The following AQP9 variants were observed in gnomAD, a reference collection of about 807,000 sequenced individuals.
AQP9 encodes aquaporin 9, also known as aquaporin-9.
AQP9 carries 19 observed loss-of-function variants against 23.8 expected under a neutral mutation model. The observed-to-expected ratio is 0.80, with a 90% CI of 0.56 to 1.17. The LOEUF (loss-of-function observed/expected upper bound fraction) is 1.17. Among genes scored for constraint, AQP9 ranks in the 50% most tolerant of loss-of-function variants. The pLI is 0.00. For synonymous variants in AQP9, 153 were observed against 131.5 expected (o/e 1.16, Z -1.12); for missense variants, 413 against 362.0 (o/e 1.14, Z -1.14).
intron 1 of AQP9, chr15:58,146,667 T>G (rs1387585151): frequency 6.6e-6 from 1 of 152,204 alleles, no homozygotes; most frequent in Non-Finnish European, 1.5e-5. Flanking sequence ...TCAGGGAGAT[T>G]TATTTTTCCC....
At chr15:58,158,189 A>G (rs1274254873) in intron 1 of AQP9, among the ~76,000 whole-genome samples, 1 of 152,138 alleles carries the variant, frequency 6.6e-6, no homozygotes, top group Admixed American at 6.5e-5. Context: ...GCAGATAGAA[A>G]AACCGATGCC....
intron 2 of AQP9, among the ~76,000 whole-genome samples, chr15:58,167,657 G>A (rs1392140489): frequency 6.6e-6 from 1 of 152,174 alleles, no homozygotes. Flanking sequence ...GCTGAGATTT[G>A]ATCCAGGCTC....
chr15:58,172,642 G>A (rs146411375), intron 2 of AQP9, among the ~76,000 whole-genome samples: 146 of 152,214 alleles, frequency 9.6e-4, no homozygotes, highest in African/African-American at 2.9e-3. Flanking sequence ...GGGCATGGCC[G>A]GAGGAACTGC....
At chr15:58,176,353 AC>A (rs1898753550) in intron 4 of AQP9, among the ~76,000 whole-genome samples, 1 of 152,076 alleles carries the variant, frequency 6.6e-6, no homozygotes, top group South Asian at 2.1e-4. Context: ...CCCTGCCTCT[AC>A]CAAAAATACA....
intron 1 of AQP9, among the ~76,000 whole-genome samples, chr15:58,143,256 G>T (rs1280682191): frequency 6.6e-6 from 1 of 152,162 alleles, no homozygotes; most frequent in East Asian, 1.9e-4. Flanking sequence ...GCTAAACACT[G>T]GGGATTCTCC....
chr15:58,144,567 G>A lies in AQP9; in HGVS notation c.111+5891G>A, dbSNP rs193030412. Among the ~76,000 whole-genome samples the A allele has an allele frequency of 6.2e-4, 94 of 152,040 alleles. No individual in the cohort carries two copies. The Middle Eastern group carries it at 0.02, about 33-fold the overall frequency. On this transcript the variant is annotated intron_variant, in intron 1 of 5. Coordinates refer to ENST00000219919, the MANE Select transcript of AQP9 (RefSeq NM_020980.5). ...TTGTCTTTCTACTTTTATTACCAAG[G>A]TTATATTAGACTCATGAAATGAATC...
intron 1 of AQP9, among the ~76,000 whole-genome samples, chr15:58,145,051 C>G (rs1209639839): frequency 1.3e-5 from 2 of 149,942 alleles, no homozygotes; most frequent in Non-Finnish European, 3.0e-5. Context: ...GAAAAAAACT[C>G]TACTATACCT....
intron 3 of AQP9, 82 bp downstream of exon 3, chr15:58,173,287 G>T: frequency 6.4e-7 from 1 of 1,562,668 alleles, no homozygotes; most frequent in South Asian, 1.1e-5. Flanking sequence ...GCACAGGCGA[G>T]AAAAAGCAAG....
intron 1 of AQP9, among the ~76,000 whole-genome samples, chr15:58,159,699 T>C (rs1898334904): frequency 6.6e-6 from 1 of 152,186 alleles, no homozygotes; most frequent in Non-Finnish European, 1.5e-5. Context: ...ACCCATCTAC[T>C]CTCTGCCTTC....
upstream of AQP9, chr15:58,138,184 C>G (rs1240072291): frequency 6.3e-6 from 1 of 157,828 alleles, no homozygotes; most frequent in Non-Finnish European, 1.4e-5. Context: ...CTTTTCTGGA[C>G]CAGGGCCCGT....
intron 1 of AQP9, among the ~76,000 whole-genome samples, chr15:58,139,591 A>T (rs1388934403): frequency 1.3e-5 from 2 of 152,218 alleles, no homozygotes; most frequent in Non-Finnish European, 2.9e-5. Context: ...TTTTCCTTAA[A>T]GTTATAGAGA....
chr15:58,183,965 G>A lies in AQP9; in HGVS notation c.718G>A (p.Gly240Arg). 1 of 1,613,924 alleles carries A rather than the reference G, an allele frequency of 6.2e-7. No individual in the cohort carries two copies. Among genetic ancestry groups the A allele is most frequent in the African/African-American group, 1.3e-5 (1 of 75,028 alleles). The change falls in exon 6 of 6, where the codon GGA (glycine) becomes AGA (arginine). Residue 240 changes from glycine (G) to arginine (R), a missense_variant. Physicochemically the swap from Gly to Arg is moderately radical, Grantham distance 125. Coordinates refer to ENST00000219919, the MANE Select transcript of AQP9 (RefSeq NM_020980.5). Reference protein sequence around the residue: ...AGWGFEVFRAGNNFWWIPVVG... With the variant: ...AGWGFEVFRARNNFWWIPVVG... ...TAATTTCTTGTTTGATTTCAGAGCT[G>A]GAAACAACTTCTGGTGGATTCCTGT...
At chr15:58,182,473 C>G (rs1376651796) in intron 5 of AQP9, among the ~76,000 whole-genome samples, 1 of 152,150 alleles carries the variant, frequency 6.6e-6, no homozygotes, top group Non-Finnish European at 1.5e-5. Flanking sequence ...AGGACGTGTA[C>G]CCTGGCTGAT....
At chr15:58,166,538 T>C (rs1898508528) in intron 1 of AQP9, 135 bp from the exon 2 acceptor site, 5 of 1,193,648 alleles carry the variant, frequency 4.2e-6, no homozygotes, top group Non-Finnish European at 4.6e-6. Context: ...AGCTGAATCA[T>C]TATAATTTGA....
At chr15:58,174,888 A>G (rs2140627938) in intron 3 of AQP9, 30 bp from the exon 4 acceptor site, 1 of 1,587,038 alleles carries the variant, frequency 6.3e-7, no homozygotes, top group Middle Eastern at 1.7e-4. Context: ...CCCAGGGAAC[A>G]CTAATGTGCC....
chr15:58,166,737 C>A lies in AQP9; in HGVS notation c.176C>A (p.Thr59Asn). 2 of 1,614,028 alleles carry A rather than the reference C, an allele frequency of 1.2e-6. No homozygotes were observed. Among genetic ancestry groups the A allele is most frequent in the Non-Finnish European group, 1.7e-6 (2 of 1,179,902 alleles). The change falls in exon 2 of 6, where the codon ACT (threonine) becomes AAT (asparagine). Residue 59 changes from threonine (T) to asparagine (N), a missense_variant. Physicochemically the swap from Thr to Asn is moderately conservative, Grantham distance 65. Transcript: ENST00000219919. ...CGAGGACGTTTTGGAGGGGTCATCA[C>A]TATCAATGTTGGATTTTCAATGGCA... ...LSRGRFGGVI[T>N]INVGFSMAVA...
At position 58,166,405 on chromosome 15, in the gene AQP9, CATT is replaced by C. The variant is rs200410225; in HGVS notation, c.112-267_112-265del. On this transcript the variant is annotated intron_variant, in intron 1 of 5. Coordinates refer to ENST00000219919, the MANE Select transcript of AQP9 (RefSeq NM_020980.5). ...TTTAAAGAAAATCAGATACCTAGAT[CATT>C]GTGTGAAATGTCCTGATTTATAAAT... Among the ~76,000 whole-genome samples the C allele has an allele frequency of 9.9e-3, 1,508 of 152,306 alleles. 14 individuals are homozygous for C. Among genetic ancestry groups the C allele is most frequent in the Non-Finnish European group, 0.016 (1,059 of 68,022 alleles).
chr15:58,166,785 C>T lies in AQP9; in HGVS notation c.224C>T (p.Ala75Val), dbSNP rs752063676. 25 of 1,613,732 alleles carry T rather than the reference C, an allele frequency of 1.5e-5. No individual in the cohort carries two copies. Among genetic ancestry groups the T allele is most frequent in the Non-Finnish European group, 1.7e-5 (20 of 1,179,806 alleles). ...SMAVAMAIYV[A>V]GGVSGGHINP... ...GCAGTTGCAATGGCCATTTATGTGG[C>T]TGGCGGTGTCTCTGGTAAGCAGTAG... Residue 75 changes from alanine to valine, a missense_variant, in exon 2 of 6, where the codon GCT (alanine) becomes GTT (valine). Transcript: ENST00000219919.
At chr15:58,148,817 G>T (rs956696156) in intron 1 of AQP9, among the ~76,000 whole-genome samples, 1 of 152,070 alleles carries the variant, frequency 6.6e-6, no homozygotes, top group Non-Finnish European at 1.5e-5. Flanking sequence ...GCTCTGAGTT[G>T]GTTCTTGGTG....
Sources: gnomAD v4.1 joint callset for allele counts (sites outside exome capture counted in the v4.1 genomes callset) on GRCh38, gnomAD v4.1.1 for gene constraint, MANE v1.5 for transcripts, NCBI Gene and HGNC (gene_info 2026-07-23, HGNC 2026-07-21) for gene names.